The following PRKN variants were observed in gnomAD, a reference collection of about 807,000 sequenced individuals.
PRKN encodes parkin RBR E3 ubiquitin protein ligase, also known as E3 ubiquitin-protein ligase parkin.
In PRKN, 56 loss-of-function variants were observed where a neutral mutation model predicts 59.5. The ratio of observed to expected loss-of-function variants is 0.94; its 90% CI spans 0.76 to 1.18. The LOEUF (loss-of-function observed/expected upper bound fraction) is 1.18, where lower values mean the gene tolerates loss of function less well. Ranked by LOEUF, PRKN falls within the 50% of genes most tolerant of loss-of-function variation. PRKN has a pLI of 0.00. For synonymous variants in PRKN, 250 were observed against 222.1 expected, an observed-to-expected ratio of 1.13 and a Z score of -1.12; for missense variants, 657 against 596.4, an observed-to-expected ratio of 1.10 and a Z score of -1.06.
At position 162,524,956 on chromosome 6, in the gene PRKN, C is replaced by G. The variant is rs539964525; in HGVS notation, c.8-81483G>C. Among the ~76,000 whole-genome samples, 26 of 152,222 alleles carry G rather than the reference C, an allele frequency of 1.7e-4. No homozygotes were observed. In the South Asian group the frequency reaches 5.2e-3, roughly 30 times the overall value. ...TTTTCCATGTGAAATATCACTGATT[C>G]TTCAAAATGGAGGTTAAAATGTAAG... On this transcript the variant is annotated intron_variant, in intron 1 of 11. Transcript: ENST00000366898.
At chr6:162,424,122 A>C (rs1562754682) in intron 2 of PRKN, among the ~76,000 whole-genome samples, 1 of 152,208 alleles carries the variant, frequency 6.6e-6, no homozygotes, top group Non-Finnish European at 1.5e-5. Flanking sequence ...AAGAAACTTA[A>C]ATGAAGATTA....
chr6:162,481,708 C>T (rs1002004263), intron 1 of PRKN, among the ~76,000 whole-genome samples: 4 of 152,088 alleles, frequency 2.6e-5, no homozygotes, highest in African/African-American at 4.8e-5. Context: ...CATTGATTAA[C>T]TAAAATATTT....
intron 10 of PRKN, among the ~76,000 whole-genome samples, chr6:161,380,220 G>C (rs1785906862): frequency 6.6e-6 from 1 of 152,122 alleles, no homozygotes; most frequent in Non-Finnish European, 1.5e-5. Context: ...ATCCCTGTAG[G>C]TCTCAAATTT....
intron 9 of PRKN, among the ~76,000 whole-genome samples, chr6:161,443,163 T>G (rs1248401594): frequency 1.3e-5 from 2 of 151,938 alleles, no homozygotes; most frequent in Non-Finnish European, 2.9e-5. Flanking sequence ...CAAAATTAGC[T>G]GGGTGTGGTG....
chr6:161,788,290 C>T (rs913468651), intron 6 of PRKN, among the ~76,000 whole-genome samples: 3 of 152,134 alleles, frequency 2.0e-5, no homozygotes, highest in South Asian at 2.1e-4. Context: ...ACTACGTTGG[C>T]GGCCATGGTG....
chr6:162,372,331 A>T (rs1317710630), intron 2 of PRKN, among the ~76,000 whole-genome samples: 4 of 152,148 alleles, frequency 2.6e-5, no homozygotes, highest in African/African-American at 9.7e-5. Context: ...AGAAGTAAAC[A>T]TCCCAGAAAC....
At position 161,535,891 on chromosome 6, in the gene PRKN, G is replaced by A. The variant is rs769101735; in HGVS notation, c.1083+12963C>T. On this transcript the variant is annotated intron_variant, in intron 9 of 11. Transcript: ENST00000366898. ...GTCTTAGGAACTGGCCACACACCAC[G>A]GAACTAACGTCAGAATAATATAATG... is the stretch of plus-strand genomic sequence containing the variant. 4.0e-5 allele frequency among the ~76,000 whole-genome samples: 6 copies of A among 151,878 alleles called. No homozygotes were observed. In the South Asian group the frequency reaches 6.2e-4, roughly 16 times the overall value.
At chr6:161,943,923 G>C (rs1779668784) in intron 6 of PRKN, among the ~76,000 whole-genome samples, 1 of 150,628 alleles carries the variant, frequency 6.6e-6, no homozygotes, top group Non-Finnish European at 1.5e-5. Flanking sequence ...TCAGCCTTGA[G>C]GAAGCAGCCT....
chr6:161,359,959 A>C lies in PRKN; in HGVS notation c.1285+129T>G, dbSNP rs1784910732. On this transcript the variant is annotated intron_variant, in intron 11 of 11. Transcript: ENST00000366898. The surrounding 1 kb of genome is among the most constrained non-coding windows in gnomAD (Gnocchi z 5.4). ...AATAATAGTGATAATGGGTAACATT[A>C]ATCGAGGGGTTACCCAACACACCAG... 7 of 758,552 alleles carry C rather than the reference A, an allele frequency of 9.2e-6. No homozygotes were observed. Among genetic ancestry groups the C allele is most frequent in the Middle Eastern group, 7.3e-4 (2 of 2,730 alleles). 47.0% of individuals were successfully genotyped at this position (758,552 alleles called of 1,614,324 possible).
At position 161,353,666 on chromosome 6, in the gene PRKN, C is replaced by CCT. The variant is rs1478716746; in HGVS notation, c.1286-3457_1286-3456dup. ...TATAATAAACTGGTAAATGTGTTTCCCTGAGTTCTGTGAGCCACTGTAGCA... is the reference window on the plus strand; with the variant it reads ...TATAATAAACTGGTAAATGTGTTTCCCTCTGAGTTCTGTGAGCCACTGTAGCA... On this transcript the variant is annotated intron_variant, in intron 11 of 11. Coordinates refer to ENST00000366898, the MANE Select transcript of PRKN (RefSeq NM_004562.3). This position sits in a 1 kb window ranked among gnomAD's most constrained non-coding sequence, Gnocchi z 4.8. 6.6e-6 allele frequency among the ~76,000 whole-genome samples: 1 copy of CCT among 152,118 alleles called. No individual in the cohort carries two copies. Among genetic ancestry groups the CCT allele is most frequent in the Non-Finnish European group, 1.5e-5 (1 of 68,022 alleles).
intron 6 of PRKN, among the ~76,000 whole-genome samples, chr6:161,798,517 C>G (rs550936432): frequency 6.6e-6 from 1 of 152,112 alleles, no homozygotes; most frequent in Admixed American, 6.5e-5. Flanking sequence ...TCTTTTTTAT[C>G]GAAAGCTTGT....
At chr6:162,650,088 T>A (rs1441066081) in intron 1 of PRKN, among the ~76,000 whole-genome samples, 2 of 152,202 alleles carry the variant, frequency 1.3e-5, no homozygotes, top group East Asian at 3.9e-4. Context: ...AAAGTGACTT[T>A]AGGTTTACCT....
At chr6:161,615,786 T>TG (rs1434199277) in intron 7 of PRKN, among the ~76,000 whole-genome samples, 8 of 152,224 alleles carry the variant, frequency 5.3e-5, no homozygotes, top group African/African-American at 1.7e-4. Context: ...ATGGCTGCAG[T>TG]GGCTGCAACG....
At chr6:162,280,796 C>CA (rs35943173) in intron 2 of PRKN, among the ~76,000 whole-genome samples, 2,289 of 41,066 alleles carry the variant, frequency 0.056, 336 homozygotes, top group African/African-American at 0.16. Flanking sequence ...GACTCCATCT[C>CA]AAAAAAAAAA....
intron 1 of PRKN, among the ~76,000 whole-genome samples, chr6:162,590,908 C>T (rs1021590905): frequency 3.9e-5 from 6 of 152,216 alleles, no homozygotes; most frequent in African/African-American, 1.4e-4. Flanking sequence ...CACAGACTAT[C>T]CTCTCCAGGC....
At chr6:161,987,104 G>C (rs576525638) in intron 5 of PRKN, among the ~76,000 whole-genome samples, 1 of 152,228 alleles carries the variant, frequency 6.6e-6, no homozygotes, top group East Asian at 1.9e-4. Context: ...TTCCACTCAA[G>C]ATAAACTGGG....
chr6:162,644,584 C>T (rs987653819), intron 1 of PRKN, among the ~76,000 whole-genome samples: 5 of 152,078 alleles, frequency 3.3e-5, no homozygotes, highest in African/African-American at 4.8e-5. Flanking sequence ...GGCAGGCACT[C>T]CCCACAAAAA....
At chr6:162,642,965 C>T (rs779640610) in intron 1 of PRKN, among the ~76,000 whole-genome samples, 9 of 151,968 alleles carry the variant, frequency 5.9e-5, no homozygotes, top group South Asian at 2.1e-4. Context: ...TGGTGGATTG[C>T]GACATTTTAA....
At chr6:161,723,123 C>T (rs563518565) in intron 7 of PRKN, among the ~76,000 whole-genome samples, 2 of 152,202 alleles carry the variant, frequency 1.3e-5, no homozygotes, top group African/African-American at 4.8e-5. Flanking sequence ...CAAAAATTAG[C>T]TGAGTGTGGA....
Sources: allele counts gnomAD v4.1 joint callset (sites outside exome capture counted in the v4.1 genomes callset), GRCh38; gene constraint gnomAD v4.1.1; non-coding constraint Gnocchi (gnomAD v3.1); transcripts MANE v1.5; gene names NCBI Gene and HGNC (gene_info 2026-07-23, HGNC 2026-07-21).